Variants in TMEM132B observed in about 807,000 individuals in gnomAD.
The protein encoded by TMEM132B is transmembrane protein 132B.
TMEM132B carries 18 observed loss-of-function variants against 90.8 expected under a neutral mutation model. That is an observed-to-expected ratio of 0.20 (90% confidence interval 0.14 to 0.29). The LOEUF (loss-of-function observed/expected upper bound fraction) is 0.29, where lower values mean the gene tolerates loss of function less well. Among genes scored for constraint, TMEM132B ranks in the 10% least tolerant of loss-of-function variants. The probability of loss-of-function intolerance (pLI) is 1.00; values close to 1 mark genes in which losing one functional copy is unlikely to be tolerated. For synonymous variants in TMEM132B, 504 were observed against 523.3 expected, an observed-to-expected ratio of 0.96 and a Z score of 0.50; for missense variants, 1,096 against 1,326.8, an observed-to-expected ratio of 0.83 and a Z score of 2.70.
At position 125,299,265 on chromosome 12, in the gene TMEM132B, C is replaced by T. The variant is rs535914876; in HGVS notation, c.68-50187C>T. Among the ~76,000 whole-genome samples the T allele has an allele frequency of 4.6e-5, 7 of 152,316 alleles. No homozygotes were observed. The East Asian group carries it at 5.8e-4, about 13-fold the overall frequency. ...GTCACCCCACTGTCTCTCCAACACTCGGGTCTGTTCCTTTCTCCCTCCCTC... is the reference window on the plus strand; with the variant it reads ...GTCACCCCACTGTCTCTCCAACACTTGGGTCTGTTCCTTTCTCCCTCCCTC... On this transcript the variant is annotated intron_variant, in intron 1 of 8. Transcript: ENST00000682704.
rs1022204396 is a variant in TMEM132B at position 125,490,931 on chromosome 12, T to G, written c.1107-28508T>G. ...TTCTGGAGGAAGTTAGCTACCATGG[T>G]GTAAGGACACTCAAGCAGCTTTATG... On this transcript the variant is annotated intron_variant, in intron 3 of 8. Transcript: ENST00000682704. This position sits in a 1 kb window ranked among gnomAD's most constrained non-coding sequence, Gnocchi z 4.2. 6.6e-6 allele frequency among the ~76,000 whole-genome samples: 1 copy of G among 152,180 alleles called. No individual in the cohort carries two copies. Among genetic ancestry groups the G allele is most frequent in the Admixed American group, 6.5e-5 (1 of 15,280 alleles).
At chr12:125,507,652 C>T (rs747416556) in intron 3 of TMEM132B, among the ~76,000 whole-genome samples, 18 of 152,024 alleles carry the variant, frequency 1.2e-4, no homozygotes, top group South Asian at 2.1e-4. Context: ...GTAAAGGTGC[C>T]GTTGTGGCTC....
chr12:125,259,789 G>A (rs1208038881), intron 1 of TMEM132B, among the ~76,000 whole-genome samples: 1 of 152,172 alleles, frequency 6.6e-6, no homozygotes, highest in Non-Finnish European at 1.5e-5. Context: ...TTAAGGTTTT[G>A]TTGGATTTAT....
At chr12:125,328,555 C>T (rs1012224628) in intron 1 of TMEM132B, among the ~76,000 whole-genome samples, 4 of 152,158 alleles carry the variant, frequency 2.6e-5, no homozygotes, top group Non-Finnish European at 5.9e-5. Flanking sequence ...TCTGGTGGCT[C>T]CAGGCATTCC....
chr12:125,555,623 T>C (rs1446176661), intron 4 of TMEM132B, among the ~76,000 whole-genome samples: 1 of 148,432 alleles, frequency 6.7e-6, no homozygotes, highest in Non-Finnish European at 1.5e-5. Flanking sequence ...AAATGACGAG[T>C]TAATGGGTGC....
At chr12:125,411,170 T>G (rs1593131372) in intron 2 of TMEM132B, among the ~76,000 whole-genome samples, 6 of 69,972 alleles carry the variant, frequency 8.6e-5, no homozygotes, top group Non-Finnish European at 8.9e-5. Flanking sequence ...TGGAGTGGAG[T>G]GGAGTGGAGT....
chr12:125,271,606 C>G (rs979192711), intron 1 of TMEM132B, among the ~76,000 whole-genome samples: 3 of 152,148 alleles, frequency 2.0e-5, no homozygotes, highest in African/African-American at 7.2e-5. Flanking sequence ...GGTGCTCTCT[C>G]TGATTGTCTT....
intron 3 of TMEM132B, among the ~76,000 whole-genome samples, chr12:125,433,741 T>G (rs1473549401): frequency 7.2e-6 from 1 of 139,778 alleles, no homozygotes; most frequent in African/African-American, 2.7e-5. Flanking sequence ...ATAGACTGGA[T>G]TAAGAAAATG....
At chr12:125,328,122 A>C (rs538558209) in intron 1 of TMEM132B, among the ~76,000 whole-genome samples, 46 of 152,300 alleles carry the variant, frequency 3.0e-4, no homozygotes, top group Non-Finnish European at 5.0e-4. Context: ...TAGCAGAGTG[A>C]TGTCTTAACC....
chr12:125,566,026 G>A (rs1403011986), intron 4 of TMEM132B, among the ~76,000 whole-genome samples: 1 of 152,206 alleles, frequency 6.6e-6, no homozygotes, highest in African/African-American at 2.4e-5. Context: ...GGAGTGCTGT[G>A]AGGAAGGTTT....
chr12:125,392,678 G>A (rs1013618238), intron 2 of TMEM132B, among the ~76,000 whole-genome samples: 4 of 152,188 alleles, frequency 2.6e-5, no homozygotes, highest in African/African-American at 4.8e-5. Context: ...GGCTGAGGCC[G>A]GCTCACCTCC....
chr12:125,199,249 T>TA (rs1873000259), intron 1 of TMEM132B, among the ~76,000 whole-genome samples: 1 of 152,156 alleles, frequency 6.6e-6, no homozygotes, highest in South Asian at 2.1e-4. Context: ...TGGTTAACCT[T>TA]ACTGACCTCA....
In TMEM132B at chr12:125,652,513, G is replaced by A. The variant is rs748272778; in HGVS notation, c.1987G>A (p.Ala663Thr). ...TGTCCTGGATGACCGAGTCACCATC[G>A]CGGAGCTGGGAGTGCAGCTCGTAGC... ...VIVLDDRVTIAELGVQLVAGM... is the reference protein window; with the variant it reads ...VIVLDDRVTITELGVQLVAGM... The change falls in exon 8 of 9, where the codon GCG becomes ACG. Residue 663 changes from alanine (A) to threonine (T), a missense_variant. Coordinates refer to ENST00000682704, the MANE Select transcript of TMEM132B (RefSeq NM_001366854.1). 9.9e-6 allele frequency: 16 copies of A among 1,613,580 alleles called. No homozygotes were observed. The Admixed American group carries it at 2.0e-4, about 20-fold the overall frequency.
At chr12:125,491,700 T>C (rs1566052319) in intron 3 of TMEM132B, among the ~76,000 whole-genome samples, 1 of 152,238 alleles carries the variant, frequency 6.6e-6, no homozygotes, top group Non-Finnish European at 1.5e-5. Flanking sequence ...GTGAGCCTAA[T>C]TGAGCTTGGT....
intron 4 of TMEM132B, among the ~76,000 whole-genome samples, chr12:125,555,821 G>A (rs746156236): frequency 3.4e-4 from 52 of 152,258 alleles, no homozygotes; most frequent in East Asian, 5.8e-4. Context: ...CAGTTTCTCC[G>A]TTGACGTTTA....
At chr12:125,239,056 C>T (rs934207333) in intron 1 of TMEM132B, among the ~76,000 whole-genome samples, 30 of 151,444 alleles carry the variant, frequency 2.0e-4, no homozygotes, top group African/African-American at 4.6e-4. Flanking sequence ...TGGTGAGGGG[C>T]GGGGTGAGGC....
Position 125,386,291 on chromosome 12 carries a change from T to C in TMEM132B, c.960-29240T>C, listed in dbSNP as rs117066359. Among the ~76,000 whole-genome samples, 106 of 152,272 alleles carry C rather than the reference T, an allele frequency of 7.0e-4. 2 individuals carry two copies. In the East Asian group the frequency reaches 0.019, roughly 28 times the overall value. ...GCATGAAACACTGTGCCCAGCCATTTGTTGATTTTGAATGCAGCAAGAGTC... is the reference window on the plus strand; with the variant it reads ...GCATGAAACACTGTGCCCAGCCATTCGTTGATTTTGAATGCAGCAAGAGTC... On this transcript the variant is annotated intron_variant, in intron 2 of 8. Coordinates refer to ENST00000682704, the MANE Select transcript of TMEM132B (RefSeq NM_001366854.1).
intron 3 of TMEM132B, among the ~76,000 whole-genome samples, chr12:125,511,098 T>C (rs1463583303): frequency 6.6e-6 from 1 of 152,262 alleles, no homozygotes; most frequent in Non-Finnish European, 1.5e-5. Flanking sequence ...ACCACGATTC[T>C]ACTTTTTGTC....
chr12:125,394,049 A>G, intron 2 of TMEM132B, among the ~76,000 whole-genome samples: 1 of 152,228 alleles, frequency 6.6e-6, no homozygotes, highest in East Asian at 1.9e-4. Context: ...CAAACAGAGA[A>G]CAACCCATAT....
Sources: allele counts gnomAD v4.1 joint callset (sites outside exome capture counted in the v4.1 genomes callset), GRCh38; gene constraint gnomAD v4.1.1; non-coding constraint Gnocchi (gnomAD v3.1); transcripts MANE v1.5; gene names NCBI Gene and HGNC (gene_info 2026-07-23, HGNC 2026-07-21).